The following KIF5B variants were observed in gnomAD, a reference collection of about 807,000 sequenced individuals.
KIF5B encodes the protein kinesin-1 heavy chain.
A neutral mutation model predicts 132.8 loss-of-function variants in KIF5B; 49 were observed. The ratio of observed to expected loss-of-function variants is 0.37; its 90% CI spans 0.29 to 0.47. The LOEUF is 0.47. Among genes scored for constraint, KIF5B ranks in the 20% least tolerant of loss-of-function variants. KIF5B has a pLI of 1.00. For missense variants in KIF5B, 780 were observed against 1,144.0 expected, an observed-to-expected ratio of 0.68 and a Z score of 4.59; for synonymous variants, 355 against 369.4, an observed-to-expected ratio of 0.96 and a Z score of 0.45.
At chr10:32,040,353 C>G (rs1355730300) in intron 3 of KIF5B, 31 bp downstream of exon 3, 2 of 1,331,874 alleles carry the variant, frequency 1.5e-6, no homozygotes, top group African/African-American at 1.4e-5. Context: ...GTATTGCAAA[C>G]CACATCTAAG....
chr10:32,032,302 T>A (rs566208726), intron 13 of KIF5B, among the ~76,000 whole-genome samples: 1 of 152,322 alleles, frequency 6.6e-6, no homozygotes, highest in South Asian at 2.1e-4. Context: ...AGTTGAAAGA[T>A]GATCTGACCA....
chr10:32,033,701 A>AT, intron 12 of KIF5B, 144 bp downstream of exon 12: 1 of 556,252 alleles, frequency 1.8e-6, no homozygotes, highest in South Asian at 2.7e-5. Flanking sequence ...TAATACAATA[A>AT]TTTTTACAAG....
intron 6 of KIF5B, 118 bp downstream of exon 6, chr10:32,038,045 G>A (rs1349706095): frequency 1.8e-6 from 1 of 565,774 alleles, no homozygotes; most frequent in Non-Finnish European, 3.1e-6. Flanking sequence ...TGGAGGCAGA[G>A]GTTGCAGTGA....
At chr10:32,012,036 T>C (rs565478283) in intron 25 of KIF5B, among the ~76,000 whole-genome samples, 1 of 152,306 alleles carries the variant, frequency 6.6e-6, no homozygotes, top group East Asian at 1.9e-4. Context: ...TACTTACCTA[T>C]GCATTTAGAA....
chr10:32,039,384 C>T lies in KIF5B; in HGVS notation c.336G>A (p.Val112=), dbSNP rs1339181425. ...PEGMGIIPRI[V]QDIFNYIYSM... ...AGTAAATATAATTAAAAATATCTTG[C>T]ACTATTCTTGGAATAATTCCCATGC... The change falls in exon 4 of 26, where the codon GTG becomes GTA. Residue 112 remains valine (V), a synonymous_variant. Transcript: ENST00000302418. The T allele has an allele frequency of 2.0e-6, 3 of 1,533,784 alleles. No homozygotes were observed. Among genetic ancestry groups the T allele is most frequent in the Non-Finnish European group, 1.8e-6 (2 of 1,127,432 alleles).
At chr10:32,030,081 A>C (rs760042574) in intron 14 of KIF5B, among the ~76,000 whole-genome samples, 4 of 152,220 alleles carry the variant, frequency 2.6e-5, no homozygotes, top group Non-Finnish European at 5.9e-5. Context: ...ATTTCTAAAC[A>C]AGAAGCTAGC....
chr10:32,036,909 A>G (rs1841467751), intron 8 of KIF5B, among the ~76,000 whole-genome samples: 1 of 152,240 alleles, frequency 6.6e-6, no homozygotes, highest in African/African-American at 2.4e-5. Flanking sequence ...ACCAGTTTTA[A>G]TAGGGACCCC....
intron 20 of KIF5B, 149 bp from the exon 21 acceptor site, chr10:32,018,711 G>T: frequency 3.1e-6 from 2 of 640,392 alleles, no homozygotes; most frequent in Non-Finnish European, 5.0e-6. Context: ...ATTTACCTGT[G>T]CTGTCTTTCA....
At position 32,056,154 on chromosome 10, in the gene KIF5B, G is replaced by A; in HGVS notation, c.-181C>T. On this transcript the variant is annotated 5_prime_UTR_variant, in exon 1 of 26. Coordinates refer to ENST00000302418, the MANE Select transcript of KIF5B (RefSeq NM_004521.3). The stretch of plus-strand genomic sequence containing the variant: ...GCCGGGACTTGAAGAGCCGGCGCCG[G>A]CAGCCGTTAACCCTAATGCTCACTT... The A allele has an allele frequency of 1.5e-6, 1 of 656,028 alleles. No individual in the cohort carries two copies. The highest frequency in any genetic ancestry group is 3.2e-5 in the Admixed American group (1 of 31,524). The allele number at this position is 656,028 out of a possible 1,614,324, so 40.6% of individuals were successfully genotyped here. A position where few individuals can be genotyped will look rare whatever the true frequency, so the allele number is the denominator to read the frequency against.
Position 32,031,259 on chromosome 10 carries a change from C to T in KIF5B, c.1395G>A (p.Arg465=). The T allele has an allele frequency of 6.2e-7, 1 of 1,613,766 alleles. No homozygotes were observed. The highest frequency in any genetic ancestry group is 8.5e-7 in the Non-Finnish European group (1 of 1,179,878). The change falls in exon 14 of 26, where the codon AGG becomes AGA. Residue 465 remains arginine, a synonymous_variant. Transcript: ENST00000302418. ...DQEELLASTR[R]DQDNMQAELN... The stretch of plus-strand genomic sequence containing the variant: ...GCTCAGCTTGCATATTGTCTTGATC[C>T]CTTCTGGTAGATGCCAAAAGCTATA...
At chr10:32,016,144 T>TA (rs1202048949) in intron 24 of KIF5B, among the ~76,000 whole-genome samples, 19 of 151,598 alleles carry the variant, frequency 1.3e-4, no homozygotes, top group African/African-American at 3.9e-4. Flanking sequence ...CCCTGTGTCA[T>TA]AAAAAACAAG....
chr10:32,026,459 A>AAAAAAAAAAAT (rs1841335318), intron 15 of KIF5B, among the ~76,000 whole-genome samples: 1 of 150,178 alleles, frequency 6.7e-6, no homozygotes, highest in East Asian at 1.9e-4. Context: ...AAAAAAAAAA[A>AAAAAAAAAAAT]AAGTAACGCT....
At position 32,010,723 on chromosome 10, in the gene KIF5B, A is replaced by C. The variant is rs1841065841; in HGVS notation, c.*814T>G. On this transcript the variant is annotated 3_prime_UTR_variant, in exon 26 of 26. Coordinates refer to ENST00000302418, the MANE Select transcript of KIF5B (RefSeq NM_004521.3). ...TAAAGCAGAGTATTTTAATTCCATC[A>C]AGACTTGTTGAGTACAGAATCAGGA... is the stretch of plus-strand genomic sequence containing the variant. 6.6e-6 allele frequency: 1 copy of C among 152,200 alleles called. No individual in the cohort carries two copies. Among genetic ancestry groups the C allele is most frequent in the Non-Finnish European group, 1.5e-5 (1 of 68,006 alleles). The allele number at this position is 152,200 out of a possible 1,614,324, so 9.4% of individuals were successfully genotyped here.
At chr10:32,020,161 C>A (rs1841238889) in intron 19 of KIF5B, among the ~76,000 whole-genome samples, 1 of 152,136 alleles carries the variant, frequency 6.6e-6, no homozygotes, top group South Asian at 2.1e-4. Flanking sequence ...AATCATGATT[C>A]TGTTCTCCTC....
chr10:32,036,896 G>C (rs1841467619), intron 8 of KIF5B, among the ~76,000 whole-genome samples: 1 of 152,142 alleles, frequency 6.6e-6, no homozygotes, highest in Non-Finnish European at 1.5e-5. Context: ...CTAATCGAGA[G>C]TTACCAGTTT....
intron 2 of KIF5B, among the ~76,000 whole-genome samples, chr10:32,047,416 CA>C (rs759874231): frequency 3.9e-5 from 6 of 152,240 alleles, no homozygotes; most frequent in Non-Finnish European, 4.4e-5. Context: ...ACTCACCTAG[CA>C]AAACTCCAAA....
At chr10:32,029,233 G>T (rs574235430) in intron 14 of KIF5B, among the ~76,000 whole-genome samples, 9 of 152,154 alleles carry the variant, frequency 5.9e-5, no homozygotes, top group African/African-American at 1.2e-4. Context: ...TCCCCACTCC[G>T]AAGTGCTCGA....
rs1841455607 is a variant in KIF5B at position 32,035,967 on chromosome 10, C to A, written c.739G>T (p.Val247Leu). The stretch of plus-strand genomic sequence containing the variant: ...TTGATGTTTTTAGCTTCATCCAGCA[C>A]AGCACCTTCAGCTCCAGTTTTACTA... ...KVSKTGAEGAVLDEAKNINKS... is the reference protein window; with the variant it reads ...KVSKTGAEGALLDEAKNINKS... The change falls in exon 9 of 26, where the codon GTG becomes TTG. Residue 247 changes from valine (V) to leucine (L), a missense_variant. Physicochemically the swap from Val to Leu is conservative, Grantham distance 32. Coordinates refer to ENST00000302418, the MANE Select transcript of KIF5B (RefSeq NM_004521.3). The A allele has an allele frequency of 6.2e-7, 1 of 1,606,500 alleles. No homozygotes were observed. The highest frequency in any genetic ancestry group is 1.3e-5 in the African/African-American group (1 of 74,638).
rs1841236417 is a variant in KIF5B, at chr10:32,019,982, AAC to A, written c.2205-25_2205-24del. 3.5e-6 allele frequency: 5 copies of A among 1,448,212 alleles called. No homozygotes were observed. The African/African-American group carries it at 7.1e-5, about 21-fold the overall frequency. 89.7% of individuals were successfully genotyped at this position (1,448,212 alleles called of 1,614,324 possible). ...TGGCTGACGAAAGAAAAAAATAATT[AAC>A]ACAGTATCAATATCACAGTTTTCTC... On this transcript the variant is annotated intron_variant, in intron 19 of 25. Transcript: ENST00000302418.
Sources: gnomAD v4.1 joint callset for allele counts (sites outside exome capture counted in the v4.1 genomes callset) on GRCh38, gnomAD v4.1.1 for gene constraint, MANE v1.5 for transcripts, NCBI Gene and HGNC (gene_info 2026-07-23, HGNC 2026-07-21) for gene names.